Variants in TDRD7 observed in about 807,000 individuals in gnomAD.
TDRD7 encodes tudor domain-containing protein 7.
A neutral mutation model predicts 109.8 loss-of-function variants in TDRD7; 47 were observed. That is an observed-to-expected ratio of 0.43 (90% CI 0.34 to 0.55). TDRD7 has a LOEUF of 0.55. Among genes scored for constraint, TDRD7 ranks in the 20% least tolerant of loss-of-function variants. The pLI is 0.03. For synonymous variants in TDRD7, 424 were observed against 457.3 expected (o/e 0.93, Z 0.93); for missense variants, 1,164 against 1,319.2 (o/e 0.88, Z 1.82).
At chr9:97,487,414 A>G in intron 16 of TDRD7, 82 bp downstream of exon 16, 1 of 1,585,738 alleles carries the variant, frequency 6.3e-7, no homozygotes, top group Non-Finnish European at 8.7e-7. Context: ...GTACTGAATC[A>G]TTGGCCTCTT....
chr9:97,436,062 G>T (rs1587865191), intron 4 of TDRD7, among the ~76,000 whole-genome samples: 1 of 152,228 alleles, frequency 6.6e-6, no homozygotes, highest in East Asian at 1.9e-4. Flanking sequence ...AAGAACTCAT[G>T]CCTGCCTGTT....
At position 97,483,040 on chromosome 9, in the gene TDRD7, C is replaced by T. The variant is rs754283983; in HGVS notation, c.2604C>T (p.Pro868=). 6.2e-7 allele frequency: 1 copy of T among 1,614,164 alleles called. No individual in the cohort carries two copies. The highest frequency in any genetic ancestry group is 1.1e-5 in the South Asian group (1 of 91,086). The change falls in exon 15 of 17, where the codon CCC becomes CCT. Residue 868 remains proline, a synonymous_variant. Transcript: ENST00000355295. ...DSPNSKNGNM[P]MSGNTGENFR... is the part of the protein sequence containing the mutation. ...CCAACAGCAAAAATGGCAACATGCC[C>T]ATGTCGGGCAACACTGGAGAGAATT...
intron 4 of TDRD7, among the ~76,000 whole-genome samples, chr9:97,434,869 T>C (rs1036197938): frequency 3.9e-5 from 6 of 152,190 alleles, no homozygotes; most frequent in Admixed American, 2.0e-4. Context: ...AGAGCAACTC[T>C]GATGGATCTC....
At position 97,459,508 on chromosome 9, in the gene TDRD7, T is replaced by G. The variant is rs180704502; in HGVS notation, c.856-670T>G. ...TGCCATACATCAGTTTCTCTTCTCC[T>G]TCTTCTCTTACATAAAAATATGTCA... On this transcript the variant is annotated intron_variant, in intron 6 of 16. Transcript: ENST00000355295. Among the ~76,000 whole-genome samples, 172 of 152,290 alleles carry G rather than the reference T, an allele frequency of 1.1e-3. 1 individual carries two copies. The highest frequency in any genetic ancestry group is 4.0e-3 in the African/African-American group (167 of 41,578).
At chr9:97,437,297 G>A (rs1455133373) in intron 4 of TDRD7, among the ~76,000 whole-genome samples, 1 of 152,130 alleles carries the variant, frequency 6.6e-6, no homozygotes, top group Non-Finnish European at 1.5e-5. Flanking sequence ...AGATAAATCT[G>A]CTTTCAGTCC....
chr9:97,440,518 G>C (rs192662722), intron 5 of TDRD7, among the ~76,000 whole-genome samples: 3 of 152,106 alleles, frequency 2.0e-5, no homozygotes, highest in Non-Finnish European at 2.9e-5. Flanking sequence ...AAATAAATTA[G>C]CTATACCCTT....
chr9:97,419,487 C>A (rs732689), intron 1 of TDRD7, among the ~76,000 whole-genome samples: 16 of 152,268 alleles, frequency 1.1e-4, no homozygotes, highest in African/African-American at 3.9e-4. Context: ...CTATTCAGGA[C>A]CCAAAATTCA....
intron 5 of TDRD7, among the ~76,000 whole-genome samples, chr9:97,441,029 A>G (rs1828294352): frequency 6.6e-6 from 1 of 152,228 alleles, no homozygotes; most frequent in Non-Finnish European, 1.5e-5. Flanking sequence ...TTGGGGAAAT[A>G]AAAGTTATCT....
At chr9:97,440,291 C>T (rs1374066292) in intron 5 of TDRD7, among the ~76,000 whole-genome samples, 2 of 152,158 alleles carry the variant, frequency 1.3e-5, no homozygotes, top group Non-Finnish European at 2.9e-5. Context: ...CACAACCTCT[C>T]CTACATGATG....
intron 1 of TDRD7, among the ~76,000 whole-genome samples, chr9:97,424,360 C>T (rs1300607519): frequency 6.6e-6 from 1 of 151,922 alleles, no homozygotes; most frequent in Non-Finnish European, 1.5e-5. Flanking sequence ...CCGGCCAGCT[C>T]TCTTATTTTC....
In TDRD7 at chr9:97,478,457, A is replaced by T; in HGVS notation, c.2185A>T (p.Ser729Cys). 1 of 1,614,112 alleles carries T rather than the reference A, an allele frequency of 6.2e-7. No homozygotes were observed. Among genetic ancestry groups the T allele is most frequent in the Non-Finnish European group, 8.5e-7 (1 of 1,179,994 alleles). ...LRVEITNVHS[S>C]RALDVQFLDS... Reference sequence around the variant, plus strand: ...ATTTCAGATCACAAATGTTCACAGCAGCCGGGCTCTTGATGTTCAGTTCCT... The same window carrying T: ...ATTTCAGATCACAAATGTTCACAGCTGCCGGGCTCTTGATGTTCAGTTCCT... The change falls in exon 13 of 17, where the codon AGC becomes TGC. Residue 729 changes from serine to cysteine, a missense_variant. Coordinates refer to ENST00000355295, the MANE Select transcript of TDRD7 (RefSeq NM_014290.3).
intron 5 of TDRD7, among the ~76,000 whole-genome samples, chr9:97,439,841 G>C (rs537251719): frequency 7.9e-5 from 12 of 152,110 alleles, no homozygotes; most frequent in Non-Finnish European, 1.8e-4. Context: ...GAAAACAATA[G>C]GAGACATAGT....
chr9:97,489,187 T>G (rs1829261135), intron 16 of TDRD7, among the ~76,000 whole-genome samples: 1 of 152,260 alleles, frequency 6.6e-6, no homozygotes, highest in Non-Finnish European at 1.5e-5. Context: ...AGTTCACTTA[T>G]GTCCTTACTT....
At chr9:97,456,073 G>A (rs979622961) in intron 6 of TDRD7, among the ~76,000 whole-genome samples, 2 of 152,006 alleles carry the variant, frequency 1.3e-5, no homozygotes, top group African/African-American at 4.8e-5. Flanking sequence ...TCCCATTGGC[G>A]ATCGCTACAA....
intron 6 of TDRD7, among the ~76,000 whole-genome samples, chr9:97,448,699 A>G (rs545672486): frequency 0.015 from 2,300 of 152,332 alleles, 24 homozygotes; most frequent in Non-Finnish European, 0.024. Context: ...GCAGGTCTCT[A>G]GGTAAATGTG....
chr9:97,445,988 T>C (rs952541488), intron 6 of TDRD7, among the ~76,000 whole-genome samples: 1 of 152,094 alleles, frequency 6.6e-6, no homozygotes, highest in Admixed American at 6.6e-5. Context: ...AAAAATTAGC[T>C]GGGCATGGTG....
intron 4 of TDRD7, among the ~76,000 whole-genome samples, chr9:97,437,723 A>G (rs1050945180): frequency 6.6e-6 from 1 of 152,212 alleles, no homozygotes; most frequent in African/African-American, 2.4e-5. Flanking sequence ...TGTCTGGCAC[A>G]TAGTATGTCT....
Position 97,464,977 on chromosome 9 carries a change from G to C in TDRD7, c.1578G>C (p.Glu526Asp), listed in dbSNP as rs764759233. The C allele has an allele frequency of 3.1e-6, 5 of 1,614,094 alleles. No individual in the cohort carries two copies. The highest frequency in any genetic ancestry group is 1.7e-5 in the Admixed American group (1 of 60,028). The change falls in exon 8 of 17, where the codon GAG (glutamate) becomes GAC (aspartate). Residue 526 changes from glutamate (E) to aspartate (D), a missense_variant. Physicochemically the swap from Glu to Asp is conservative, Grantham distance 45 (BLOSUM62 2). Coordinates refer to ENST00000355295, the MANE Select transcript of TDRD7 (RefSeq NM_014290.3). ...VGQLLAVNAE[E>D]DAWLRAQVIS... ...AGTTGCTGGCCGTAAATGCCGAGGA[G>C]GACGCCTGGTTACGGGCACAGGTCA...
At position 97,470,416 on chromosome 9, in the gene TDRD7, G is replaced by A. The variant is rs569183174; in HGVS notation, c.1630-142G>A. On this transcript the variant is annotated intron_variant, in intron 8 of 16. Coordinates refer to ENST00000355295, the MANE Select transcript of TDRD7 (RefSeq NM_014290.3). ...GCCTTTCTCTTCTGTGGTAAGTCAG[G>A]GGCACCTCCCCAGCTTTTTCCAGGT... is the stretch of plus-strand genomic sequence containing the variant. 2.5e-5 allele frequency: 18 copies of A among 730,452 alleles called. No individual in the cohort carries two copies. The South Asian group carries it at 2.9e-4, about 12-fold the overall frequency. 45.2% of individuals were successfully genotyped at this position (730,452 alleles called of 1,614,324 possible).
Sources: gnomAD v4.1 joint callset for allele counts (sites outside exome capture counted in the v4.1 genomes callset) on GRCh38, gnomAD v4.1.1 for gene constraint, MANE v1.5 for transcripts, NCBI Gene and HGNC (gene_info 2026-07-23, HGNC 2026-07-21) for gene names.